The following RANBP2 variants were observed in gnomAD, a reference collection of about 807,000 sequenced individuals.
RANBP2 encodes the protein RAN binding protein 2, also known as E3 SUMO-protein ligase RanBP2.
Under a neutral mutation model 303.6 loss-of-function variants are expected in RANBP2, and 57 were observed. That is an observed-to-expected ratio of 0.19 (90% confidence interval 0.15 to 0.23). The LOEUF (loss-of-function observed/expected upper bound fraction) is 0.23, where lower values mean the gene tolerates loss of function less well. RANBP2 is among the 10% of genes least tolerant of loss of function. The pLI, the probability that RANBP2 is intolerant of heterozygous loss-of-function variation, is 1.00. For synonymous variants in RANBP2, 1,167 were observed against 1,301.5 expected, an observed-to-expected ratio of 0.90 and a Z score of 2.23; for missense variants, 3,138 against 3,780.8, an observed-to-expected ratio of 0.83 and a Z score of 4.46.
At chr2:109,257,880 A>G in the RANBP2 span, among the ~76,000 whole-genome samples, 2 of 152,124 alleles carry the variant, frequency 1.3e-5, no homozygotes, top group African/African-American at 2.4e-5. Flanking sequence ...GACAGAGCAC[A>G]CTGCTTCTCT....
the RANBP2 span, among the ~76,000 whole-genome samples, chr2:108,956,936 C>G: frequency 1.3e-5 from 2 of 152,102 alleles, no homozygotes; most frequent in African/African-American, 4.8e-5. Flanking sequence ...TTACAGGCAC[C>G]TACCACCACG....
At chr2:109,256,922 G>A in the RANBP2 span, among the ~76,000 whole-genome samples, 4 of 152,166 alleles carry the variant, frequency 2.6e-5, no homozygotes, top group African/African-American at 9.7e-5. Context: ...TTCATGAACG[G>A]TGGTGGATGG....
chr2:109,183,073 A>C, the RANBP2 span, among the ~76,000 whole-genome samples: 1 of 152,292 alleles, frequency 6.6e-6, no homozygotes, highest in Non-Finnish European at 1.5e-5. Flanking sequence ...ACAATGACTA[A>C]TTTATTCAGC....
At chr2:109,304,485 G>C in the RANBP2 span, among the ~76,000 whole-genome samples, 5 of 152,052 alleles carry the variant, frequency 3.3e-5, no homozygotes, top group East Asian at 7.7e-4. Flanking sequence ...CCTGTCTCTG[G>C]ACCTGCTTCC....
intron 1 of RANBP2, among the ~76,000 whole-genome samples, chr2:108,721,273 C>T (rs965153297): frequency 5.9e-5 from 9 of 152,118 alleles, no homozygotes; most frequent in Non-Finnish European, 8.8e-5. Context: ...CTCTTGGGAA[C>T]AGTGGAGTAA....
At chr2:109,269,796 G>T in the RANBP2 span, among the ~76,000 whole-genome samples, 1 of 152,160 alleles carries the variant, frequency 6.6e-6, no homozygotes, top group South Asian at 2.1e-4. Flanking sequence ...ACTGAAGATA[G>T]TTACCAAGAT....
the RANBP2 span, among the ~76,000 whole-genome samples, chr2:109,338,860 G>A: frequency 6.6e-6 from 1 of 152,260 alleles, no homozygotes; most frequent in South Asian, 2.1e-4. Context: ...TGTAACTTTT[G>A]ACTCCCTCAA....
chr2:109,158,277 G>A, the RANBP2 span, among the ~76,000 whole-genome samples: 2 of 152,248 alleles, frequency 1.3e-5, no homozygotes, highest in South Asian at 2.1e-4. Context: ...CCAGGCTCCC[G>A]GTTGCCACTT....
the RANBP2 span, chr2:109,546,216 G>T: frequency 6.4e-7 from 1 of 1,572,630 alleles, no homozygotes; most frequent in South Asian, 1.2e-5. Flanking sequence ...AGTCTCTTAA[G>T]GTGCTCAAAT....
At chr2:109,198,618 G>C in the RANBP2 span, among the ~76,000 whole-genome samples, 4 of 152,214 alleles carry the variant, frequency 2.6e-5, no homozygotes, top group Non-Finnish European at 4.4e-5. Context: ...TCCCAGTGAG[G>C]GCTGTCTCCC....
At chr2:109,102,669 A>C in the RANBP2 span, among the ~76,000 whole-genome samples, 1 of 152,154 alleles carries the variant, frequency 6.6e-6, no homozygotes, top group African/African-American at 2.4e-5. Flanking sequence ...ATCTGTCAAA[A>C]CGCATCTGGC....
the RANBP2 span, chr2:108,847,015 T>G: frequency 1.3e-6 from 1 of 783,012 alleles, no homozygotes; most frequent in Non-Finnish European, 2.1e-6. Flanking sequence ...TCAAATATGT[T>G]GTACATTTTC....
the RANBP2 span, among the ~76,000 whole-genome samples, chr2:109,210,791 C>T: frequency 2.0e-5 from 3 of 152,176 alleles, no homozygotes; most frequent in African/African-American, 7.2e-5. Flanking sequence ...GCAAGCACGA[C>T]CTATTTCTAA....
At chr2:108,746,411 C>G (rs1247563768) in intron 7 of RANBP2, among the ~76,000 whole-genome samples, 5 of 148,072 alleles carry the variant, frequency 3.4e-5, no homozygotes, top group Non-Finnish European at 7.4e-5. Flanking sequence ...TTAGTAGAGA[C>G]TGGGTTTCAC....
the RANBP2 span, among the ~76,000 whole-genome samples, chr2:109,109,410 A>G: frequency 2.0e-5 from 3 of 152,210 alleles, no homozygotes; most frequent in Non-Finnish European, 4.4e-5. Flanking sequence ...CTAGCTGTGA[A>G]TTTCATTCAG....
At chr2:109,635,569 C>T in the RANBP2 span, among the ~76,000 whole-genome samples, 1 of 152,140 alleles carries the variant, frequency 6.6e-6, no homozygotes, top group Non-Finnish European at 1.5e-5. Context: ...GCTGTGAGAG[C>T]GTTTTCCTAG....
At chr2:109,560,063 G>A in the RANBP2 span, among the ~76,000 whole-genome samples, 1 of 152,034 alleles carries the variant, frequency 6.6e-6, no homozygotes, top group Non-Finnish European at 1.5e-5. Flanking sequence ...CGGGACTACA[G>A]GTGCCCGCCA....
At chr2:108,758,281 A>G (rs1016004017) in intron 17 of RANBP2, 132 bp from the exon 18 acceptor site, 34 of 1,407,768 alleles carry the variant, frequency 2.4e-5, no homozygotes, top group Non-Finnish European at 3.0e-5. Flanking sequence ...TGGACGACAG[A>G]TCGAGACACC....
the RANBP2 span, among the ~76,000 whole-genome samples, chr2:109,315,806 G>A: frequency 0.31 from 47,385 of 151,934 alleles, 9,145 homozygotes; most frequent in African/African-American, 0.55. Flanking sequence ...TGGAAGGGAC[G>A]TCGTCGCTTT....
Sources: allele counts gnomAD v4.1 joint callset (sites outside exome capture counted in the v4.1 genomes callset), GRCh38; gene constraint gnomAD v4.1.1; transcripts MANE v1.5; gene names NCBI Gene and HGNC (gene_info 2026-07-23, HGNC 2026-07-21).